CACNB2: variants seen among roughly 807,000 people sequenced by gnomAD.
CACNB2 encodes voltage-dependent L-type calcium channel subunit beta-2.
In CACNB2, 42 loss-of-function variants were observed where a neutral mutation model predicts 73.3. The observed-to-expected ratio is 0.57, with a 90% CI of 0.45 to 0.74. The LOEUF (loss-of-function observed/expected upper bound fraction) is 0.74. Among genes scored for constraint, CACNB2 ranks in the 30% least tolerant of loss-of-function variants. The pLI, the probability that CACNB2 is intolerant of heterozygous loss-of-function variation, is 0.00. For missense variants in CACNB2, 940 were observed against 853.0 expected (o/e 1.10, Z -1.27); for synonymous variants, 348 against 310.3 (o/e 1.12, Z -1.28).
At chr10:18,462,695 G>C (rs1284323537) in intron 3 of CACNB2, among the ~76,000 whole-genome samples, 1 of 152,054 alleles carries the variant, frequency 6.6e-6, no homozygotes, top group East Asian at 1.9e-4. Flanking sequence ...CTGTTAAAAA[G>C]TGAAAAGTAT....
In CACNB2 at chr10:18,274,629, C is replaced by T. The variant is rs111248501; in HGVS notation, c.213+123654C>T. ...CACAATTTTTTTTTCTCATATAGTA[C>T]ACACCTTCACTTAATTTAGTCTTAT... On this transcript the variant is annotated intron_variant, in intron 2 of 13. Transcript: ENST00000324631. Among the ~76,000 whole-genome samples the T allele has an allele frequency of 2.9e-3, 443 of 152,142 alleles. 2 individuals carry two copies. The highest frequency in any genetic ancestry group is 0.01 in the African/African-American group (425 of 41,494).
rs113257021 is a variant in CACNB2, at chr10:18,246,511, G to A, written c.213+95536G>A. On this transcript the variant is annotated intron_variant, in intron 2 of 13. Transcript: ENST00000324631. ...CCAGGTTGTTTATTTCTTCAATGGG[G>A]GTTGAAATGCATTATCTCAGAAGCC... Among the ~76,000 whole-genome samples, 239 of 152,184 alleles carry A rather than the reference G, an allele frequency of 1.6e-3. 3 individuals carry two copies. Among genetic ancestry groups the A allele is most frequent in the African/African-American group, 5.1e-3 (212 of 41,528 alleles).
intron 1 of CACNB2, among the ~76,000 whole-genome samples, chr10:18,143,283 G>A (rs1304080298): frequency 6.6e-6 from 1 of 152,218 alleles, no homozygotes; most frequent in Non-Finnish European, 1.5e-5. Context: ...GAGTCCAGAG[G>A]TGAAGCTGCC....
At chr10:18,173,438 G>A (rs12263596) in intron 2 of CACNB2, among the ~76,000 whole-genome samples, 6,336 of 152,204 alleles carry the variant, frequency 0.042, 437 homozygotes, top group African/African-American at 0.15. Flanking sequence ...CATCCAGGCC[G>A]GTGGCTTATG....
At chr10:18,324,012 G>C (rs1380035290) in intron 2 of CACNB2, among the ~76,000 whole-genome samples, 1 of 152,136 alleles carries the variant, frequency 6.6e-6, no homozygotes, top group Non-Finnish European at 1.5e-5. Context: ...AAAATGATAG[G>C]GGAAAATACC....
At chr10:18,396,534 A>G (rs535067442) in intron 2 of CACNB2, among the ~76,000 whole-genome samples, 122 of 152,136 alleles carry the variant, frequency 8.0e-4, no homozygotes, top group African/African-American at 2.7e-3. Context: ...GCAGTGGCAC[A>G]GTCTCAGCTC....
At chr10:18,337,432 T>C (rs1397577288) in intron 2 of CACNB2, among the ~76,000 whole-genome samples, 1 of 152,220 alleles carries the variant, frequency 6.6e-6, no homozygotes, top group African/African-American at 2.4e-5. Flanking sequence ...TCTTACCCAT[T>C]GTAGCATTTG....
intron 2 of CACNB2, among the ~76,000 whole-genome samples, chr10:18,195,560 C>T (rs1054511184): frequency 6.6e-6 from 1 of 152,192 alleles, no homozygotes. Flanking sequence ...ATCAAGAGAG[C>T]GTGGATTATG....
At chr10:18,514,538 T>G (rs754087516) in intron 7 of CACNB2, 169 bp downstream of exon 7, 2 of 1,613,780 alleles carry the variant, frequency 1.2e-6, no homozygotes, top group Non-Finnish European at 8.5e-7. Flanking sequence ...TCGGTAAGTT[T>G]ACATTGACAT....
chr10:18,534,961 C>T (rs2053422334), intron 11 of CACNB2, among the ~76,000 whole-genome samples: 1 of 152,192 alleles, frequency 6.6e-6, no homozygotes, highest in African/African-American at 2.4e-5. Flanking sequence ...AATGATAAAA[C>T]TCAAGCTTTC....
intron 1 of CACNB2, among the ~76,000 whole-genome samples, chr10:18,141,571 C>A (rs2030406911): frequency 6.7e-6 from 1 of 149,716 alleles, no homozygotes; most frequent in South Asian, 2.1e-4. Context: ...CCCTTTCTCT[C>A]CGTTGAGTGT....
intron 2 of CACNB2, among the ~76,000 whole-genome samples, chr10:18,313,081 A>G (rs762270852): frequency 1.3e-5 from 2 of 152,140 alleles, no homozygotes; most frequent in African/African-American, 2.4e-5. Context: ...GACTGTGATC[A>G]TTTTTTATAG....
intron 3 of CACNB2, among the ~76,000 whole-genome samples, chr10:18,475,614 T>C (rs1487858349): frequency 1.3e-5 from 2 of 152,214 alleles, no homozygotes; most frequent in Non-Finnish European, 2.9e-5. Flanking sequence ...GGGTACCTTA[T>C]TGATCCTCCC....
At chr10:18,265,238 C>A (rs1038431572) in intron 2 of CACNB2, among the ~76,000 whole-genome samples, 1 of 150,610 alleles carries the variant, frequency 6.6e-6, no homozygotes, top group Non-Finnish European at 1.5e-5. Flanking sequence ...GCAACCTCCA[C>A]CTCCCGCATT....
chr10:18,505,990 TG>T (rs1355920968), intron 5 of CACNB2, among the ~76,000 whole-genome samples: 2 of 152,228 alleles, frequency 1.3e-5, no homozygotes, highest in African/African-American at 2.4e-5. Context: ...ATGGCTCTGT[TG>T]TTCTTTGATA....
chr10:18,474,992 A>G (rs1304203040), intron 3 of CACNB2, among the ~76,000 whole-genome samples: 1 of 151,040 alleles, frequency 6.6e-6, no homozygotes, highest in African/African-American at 2.4e-5. Flanking sequence ...AGAGGTTCCC[A>G]TGGCCCCCTA....
At chr10:18,281,805 C>G (rs550412070) in intron 2 of CACNB2, among the ~76,000 whole-genome samples, 2 of 151,712 alleles carry the variant, frequency 1.3e-5, no homozygotes, top group Admixed American at 1.3e-4. Flanking sequence ...ATGGCAAAAC[C>G]GTGTCTCTAC....
intron 3 of CACNB2, among the ~76,000 whole-genome samples, chr10:18,459,984 C>T (rs1240570034): frequency 3.3e-5 from 5 of 152,124 alleles, no homozygotes; most frequent in South Asian, 4.2e-4. Context: ...GGCAACAGAG[C>T]GAGACTCCAT....
rs1589232171 is a variant in CACNB2, at chr10:18,395,310, T to C, written c.214-6614T>C. Among the ~76,000 whole-genome samples, 4 of 152,312 alleles carry C rather than the reference T, an allele frequency of 2.6e-5. No homozygotes were observed. In the South Asian group the frequency reaches 8.3e-4, roughly 32 times the overall value. On this transcript the variant is annotated intron_variant, in intron 2 of 13. Transcript: ENST00000324631. ...TTGCAGGGCTGAGTTTTTTCTTTCA[T>C]CGTTTAGATTTCAGCTTAGTGTCAT...
Sources: allele counts gnomAD v4.1 joint callset (sites outside exome capture counted in the v4.1 genomes callset), GRCh38; gene constraint gnomAD v4.1.1; transcripts MANE v1.5; gene names NCBI Gene and HGNC (gene_info 2026-07-23, HGNC 2026-07-21).